Variants in IGF2BP2 observed in about 807,000 individuals in gnomAD.
The protein encoded by IGF2BP2 is insulin-like growth factor 2 mRNA-binding protein 2.
IGF2BP2 carries 17 observed loss-of-function variants against 75.8 expected under a neutral mutation model. The observed-to-expected ratio is 0.22, with a 90% CI of 0.15 to 0.34. The LOEUF (loss-of-function observed/expected upper bound fraction) is 0.34, where lower values mean the gene tolerates loss of function less well. Among genes scored for constraint, IGF2BP2 ranks in the 10% least tolerant of loss-of-function variants. The pLI, the probability that IGF2BP2 is intolerant of heterozygous loss-of-function variation, is 1.00. For missense variants in IGF2BP2, 516 were observed against 772.4 expected (o/e 0.67, Z 3.93); for synonymous variants, 288 against 295.6 (o/e 0.97, Z 0.26).
At position 185,802,870 on chromosome 3, in the gene IGF2BP2, G is replaced by C. The variant is rs1483115925; in HGVS notation, c.239+20283C>G. ...ACTTAAATAAATGCAGAAGTGCTGA[G>C]AGTAGCCTTTGGAGTGCTAATGTAG... On this transcript the variant is annotated intron_variant, in intron 2 of 15. Transcript: ENST00000382199. Among the ~76,000 whole-genome samples the C allele has an allele frequency of 1.3e-5, 2 of 152,264 alleles. 1 individual carries two copies. The highest frequency in any genetic ancestry group is 4.8e-5 in the African/African-American group (2 of 41,468).
chr3:185,790,078 T>C (rs1205988059), intron 2 of IGF2BP2, among the ~76,000 whole-genome samples: 8 of 152,150 alleles, frequency 5.3e-5, no homozygotes. Flanking sequence ...CTGACTGACC[T>C]AGACGACAAT....
chr3:185,771,111 T>C (rs1472529233), intron 2 of IGF2BP2, among the ~76,000 whole-genome samples: 1 of 152,000 alleles, frequency 6.6e-6, no homozygotes, highest in African/African-American at 2.4e-5. Flanking sequence ...AGCCTAAGAC[T>C]AGAAGAGGGA....
At chr3:185,768,374 C>T (rs151294775) in intron 2 of IGF2BP2, among the ~76,000 whole-genome samples, 3 of 152,206 alleles carry the variant, frequency 2.0e-5, no homozygotes, top group Non-Finnish European at 4.4e-5. Flanking sequence ...TGAGCTAACC[C>T]GAGGGCTGAT....
chr3:185,822,629 C>T (rs577955175), intron 2 of IGF2BP2, among the ~76,000 whole-genome samples: 71 of 152,330 alleles, frequency 4.7e-4, no homozygotes, highest in Admixed American at 1.4e-3. Context: ...CGGCTTTTAA[C>T]TGCCATCCAA....
chr3:185,689,306 C>T (rs745347695), intron 6 of IGF2BP2, 49 bp downstream of exon 6: 18 of 1,586,046 alleles, frequency 1.1e-5, no homozygotes, highest in East Asian at 8.9e-5. Flanking sequence ...CCCACCAGCA[C>T]GCAGGGGACC....
At chr3:185,812,897 G>A (rs1225520543) in intron 2 of IGF2BP2, among the ~76,000 whole-genome samples, 1 of 152,184 alleles carries the variant, frequency 6.6e-6, no homozygotes, top group Non-Finnish European at 1.5e-5. Context: ...AAATTTATAA[G>A]GCAGGTATTA....
intron 2 of IGF2BP2, among the ~76,000 whole-genome samples, chr3:185,762,148 G>A (rs893357575): frequency 6.6e-6 from 1 of 152,150 alleles, no homozygotes; most frequent in Non-Finnish European, 1.5e-5. Context: ...AGCACTTTGG[G>A]AGGCCGATAT....
intron 7 of IGF2BP2, among the ~76,000 whole-genome samples, chr3:185,683,500 C>CT (rs896061419): frequency 1.3e-5 from 2 of 152,098 alleles, no homozygotes; most frequent in Non-Finnish European, 2.9e-5. Context: ...CCTCCGCCTC[C>CT]TGGGTTCAAG....
intron 2 of IGF2BP2, among the ~76,000 whole-genome samples, chr3:185,799,230 T>C (rs1737854115): frequency 6.6e-6 from 1 of 151,722 alleles, no homozygotes; most frequent in Non-Finnish European, 1.5e-5. Context: ...CAAAACCCCA[T>C]ATCTACAAAA....
In IGF2BP2 at chr3:185,824,978, G is replaced by GCCCGCGGCT. The variant is rs1485118600; in HGVS notation, c.-27_-19dup. ...TTCATCATCCGTCTCTTCCCCGAGA[G>GCCCGCGGCT]CCCGCGGCTCCCCCGGCCCGGTACC... On this transcript the variant is annotated 5_prime_UTR_variant, in exon 1 of 16. Coordinates refer to ENST00000382199, the MANE Select transcript of IGF2BP2 (RefSeq NM_006548.6). 6.7e-7 allele frequency: 1 copy of GCCCGCGGCT among 1,482,656 alleles called. No individual in the cohort carries two copies. The highest frequency in any genetic ancestry group is 1.3e-5 in the South Asian group (1 of 76,260). 91.8% of individuals were successfully genotyped at this position (1,482,656 alleles called of 1,614,324 possible).
intron 7 of IGF2BP2, among the ~76,000 whole-genome samples, chr3:185,681,387 A>G (rs573252000): frequency 6.6e-6 from 1 of 152,362 alleles, no homozygotes; most frequent in East Asian, 1.9e-4. Flanking sequence ...CAAGGAGGTA[A>G]AAGACTTGTA....
intron 2 of IGF2BP2, among the ~76,000 whole-genome samples, chr3:185,801,311 G>T (rs1262146647): frequency 1.3e-5 from 2 of 152,050 alleles, no homozygotes; most frequent in African/African-American, 4.8e-5. Context: ...CCAACATGGA[G>T]AAACCCCGTC....
intron 2 of IGF2BP2, among the ~76,000 whole-genome samples, chr3:185,723,994 G>A (rs1463182303): frequency 6.6e-6 from 1 of 152,208 alleles, no homozygotes; most frequent in African/African-American, 2.4e-5. Flanking sequence ...GACAAATCCA[G>A]CGCCAGACTA....
intron 2 of IGF2BP2, among the ~76,000 whole-genome samples, chr3:185,708,431 G>A (rs555041376): frequency 6.6e-6 from 1 of 152,232 alleles, no homozygotes; most frequent in African/African-American, 2.4e-5. Context: ...TCCAGGAAGG[G>A]TTATTTTGGA....
chr3:185,730,051 G>C (rs1293046279), intron 2 of IGF2BP2, among the ~76,000 whole-genome samples: 1 of 152,104 alleles, frequency 6.6e-6, no homozygotes, highest in Admixed American at 6.6e-5. Flanking sequence ...AATGAAGTTT[G>C]GGTTTCTACT....
chr3:185,737,110 T>C (rs1396014544), intron 2 of IGF2BP2, among the ~76,000 whole-genome samples: 1 of 152,270 alleles, frequency 6.6e-6, no homozygotes, highest in African/African-American at 2.4e-5. Context: ...TAAATACATT[T>C]TCTCTTTCCA....
intron 2 of IGF2BP2, among the ~76,000 whole-genome samples, chr3:185,780,659 A>G (rs1735093219): frequency 6.6e-6 from 1 of 152,184 alleles, no homozygotes; most frequent in South Asian, 2.1e-4. Flanking sequence ...AGCTACCTGA[A>G]AACATGTTAT....
At chr3:185,789,219 T>C (rs1279817935) in intron 2 of IGF2BP2, among the ~76,000 whole-genome samples, 2 of 152,198 alleles carry the variant, frequency 1.3e-5, no homozygotes, top group East Asian at 3.9e-4. Flanking sequence ...GAGTTCCATA[T>C]GGACTAAAAA....
At chr3:185,823,524 G>A (rs1163620738) in intron 1 of IGF2BP2, among the ~76,000 whole-genome samples, 2 of 152,174 alleles carry the variant, frequency 1.3e-5, no homozygotes, top group Non-Finnish European at 2.9e-5. Context: ...TGAAACTCAA[G>A]CTGCAGGGCT....
Sources: gnomAD v4.1 joint callset for allele counts (sites outside exome capture counted in the v4.1 genomes callset) on GRCh38, gnomAD v4.1.1 for gene constraint, MANE v1.5 for transcripts, NCBI Gene and HGNC (gene_info 2026-07-23, HGNC 2026-07-21) for gene names.